Variants in ARL5B observed in about 807,000 individuals in gnomAD.
The protein encoded by ARL5B is ADP-ribosylation factor-like protein 5B.
ARL5B carries 10 observed loss-of-function variants against 26.9 expected under a neutral mutation model. That is an observed-to-expected ratio of 0.37 (90% CI 0.23 to 0.63). The LOEUF (loss-of-function observed/expected upper bound fraction) is 0.63. ARL5B is among the 30% of genes least tolerant of loss of function. The pLI, the probability that ARL5B is intolerant of heterozygous loss-of-function variation, is 0.62. For synonymous variants in ARL5B, 87 were observed against 70.4 expected (o/e 1.24, Z -1.18); for missense variants, 167 against 213.9 (o/e 0.78, Z 1.37).
chr10:18,663,342 TAC>T (rs2059845451), intron 1 of ARL5B, among the ~76,000 whole-genome samples: 1 of 152,132 alleles, frequency 6.6e-6, no homozygotes, highest in African/African-American at 2.4e-5. Context: ...ACAAATGAAA[TAC>T]AGTTTTAATT....
At chr10:18,672,104 G>A (rs1454214290) in intron 3 of ARL5B, among the ~76,000 whole-genome samples, 1 of 152,082 alleles carries the variant, frequency 6.6e-6, no homozygotes, top group Non-Finnish European at 1.5e-5. Flanking sequence ...TCAATCTGGA[G>A]CATTTATGGT....
chr10:18,660,221 CTT>C (rs199993366), intron 1 of ARL5B, among the ~76,000 whole-genome samples: 2 of 150,024 alleles, frequency 1.3e-5, no homozygotes, highest in Non-Finnish European at 3.0e-5. Context: ...TCATTGTAAA[CTT>C]TTTTTTTTAA....
At chr10:18,668,824 C>T in intron 3 of ARL5B, 147 bp downstream of exon 3, 1 of 367,888 alleles carries the variant, frequency 2.7e-6, no homozygotes, top group Non-Finnish European at 3.8e-6. Flanking sequence ...GGCTAGAGTG[C>T]AGTGGAGTGA....
At chr10:18,673,936 T>G in intron 4 of ARL5B, 48 bp from the exon 5 acceptor site, 1 of 1,527,554 alleles carries the variant, frequency 6.5e-7, no homozygotes, top group Non-Finnish European at 8.8e-7. Flanking sequence ...CTGGGTAAAT[T>G]TAAATTGTGG....
chr10:18,667,908 C>T (rs1477826506), intron 2 of ARL5B, among the ~76,000 whole-genome samples: 1 of 152,024 alleles, frequency 6.6e-6, no homozygotes, highest in Non-Finnish European at 1.5e-5. Context: ...AGAGACGAGG[C>T]TTCACCATGT....
chr10:18,669,030 A>G (rs537683258), intron 3 of ARL5B, among the ~76,000 whole-genome samples: 102 of 152,284 alleles, frequency 6.7e-4, no homozygotes, highest in Non-Finnish European at 1.1e-3. Context: ...TGGCCTCCCA[A>G]AGTGCTGGGA....
At position 18,675,694 on chromosome 10, in the gene ARL5B, G is replaced by C. The variant is rs552685326; in HGVS notation, c.*478G>C. ...TCCCTCTATAAACCATTCATCTTTC[G>C]GACAGAACTTACTGTAAAGAAAGAA... On this transcript the variant is annotated 3_prime_UTR_variant, in exon 6 of 6. Coordinates refer to ENST00000377275, the MANE Select transcript of ARL5B (RefSeq NM_178815.5). 6.5e-6 allele frequency: 1 copy of C among 154,790 alleles called. No homozygotes were observed. The highest frequency in any genetic ancestry group is 1.4e-5 in the Non-Finnish European group (1 of 69,638). 9.6% of individuals were successfully genotyped at this position (154,790 alleles called of 1,614,324 possible). A position where few individuals can be genotyped will look rare whatever the true frequency, so the allele number is the denominator to read the frequency against.
Position 18,677,180 on chromosome 10 carries a change from A to G in ARL5B, c.*1964A>G, listed in dbSNP as rs1379350502. 1 of 151,502 alleles carries G rather than the reference A, an allele frequency of 6.6e-6. No individual in the cohort carries two copies. The highest frequency in any genetic ancestry group is 2.4e-5 in the African/African-American group (1 of 41,152). The allele number at this position is 151,502 out of a possible 1,614,324, so 9.4% of individuals were successfully genotyped here. A position where few individuals can be genotyped will look rare whatever the true frequency, so the allele number is the denominator to read the frequency against. Reference sequence around the variant, plus strand: ...GAAAAAGCATACTTAGTACTCCTGTATTTGTTCTTATGAAATGACTATCTG... The same window carrying G: ...GAAAAAGCATACTTAGTACTCCTGTGTTTGTTCTTATGAAATGACTATCTG... On this transcript the variant is annotated 3_prime_UTR_variant, in exon 6 of 6. Coordinates refer to ENST00000377275, the MANE Select transcript of ARL5B (RefSeq NM_178815.5).
In ARL5B at chr10:18,677,948, C is replaced by G. The variant is rs2059917256; in HGVS notation, c.*2732C>G. On this transcript the variant is annotated 3_prime_UTR_variant, in exon 6 of 6. Transcript: ENST00000377275. The stretch of plus-strand genomic sequence containing the variant: ...AAGGAAATTAAATTTTAACAGAAAT[C>G]TTTTAAGTATGTTATAACCAAAGTG... The G allele has an allele frequency of 1.3e-5, 2 of 151,796 alleles. No individual in the cohort carries two copies. Among genetic ancestry groups the G allele is most frequent in the South Asian group, 4.1e-4 (2 of 4,822 alleles). 9.4% of individuals were successfully genotyped at this position (151,796 alleles called of 1,614,324 possible).
intron 1 of ARL5B, among the ~76,000 whole-genome samples, chr10:18,662,949 C>T (rs556064698): frequency 2.6e-5 from 4 of 151,896 alleles, no homozygotes; most frequent in African/African-American, 4.8e-5. Flanking sequence ...GTAATCCGCC[C>T]GCCTTGGCCT....
rs545401575 is a variant in ARL5B, at chr10:18,664,461, G to T, written c.47-2114G>T. ...TTTTTTTTTTTTTTTTTTTTGAGATGGAGTCTCGCTCTGTTGCCCAGGCTG... is the reference window on the plus strand; with the variant it reads ...TTTTTTTTTTTTTTTTTTTTGAGATTGAGTCTCGCTCTGTTGCCCAGGCTG... On this transcript the variant is annotated intron_variant, in intron 1 of 5. Transcript: ENST00000377275. 1.6e-4 allele frequency among the ~76,000 whole-genome samples: 16 copies of T among 100,762 alleles called. 1 individual carries two copies. The East Asian group carries it at 6.0e-3, about 37-fold the overall frequency. 66.1% of individuals were successfully genotyped at this position (100,762 alleles called of 152,430 possible).
rs1430681869 is a variant in ARL5B at position 18,659,648 on chromosome 10, T to C, written c.11T>C (p.Ile4Thr). MGL[I>T]FAKLWSLFCN... is the part of the protein sequence containing the mutation. The stretch of plus-strand genomic sequence containing the variant: ...GCCCCGGTGCTCGTGATGGGGCTGA[T>C]CTTCGCCAAACTGTGGAGCCTCTTC... Residue 4 changes from isoleucine (I) to threonine (T), a missense_variant, in exon 1 of 6, where the codon ATC (isoleucine) becomes ACC (threonine). Physicochemically the swap from Ile to Thr is moderately conservative, Grantham distance 89. Transcript: ENST00000377275. 1 of 1,613,070 alleles carries C rather than the reference T, an allele frequency of 6.2e-7. No individual in the cohort carries two copies.
chr10:18,661,303 A>C (rs2059835374), intron 1 of ARL5B, among the ~76,000 whole-genome samples: 1 of 152,218 alleles, frequency 6.6e-6, no homozygotes, highest in African/African-American at 2.4e-5. Flanking sequence ...CTTTTCTGTT[A>C]CATGGCTGCT....
chr10:18,677,034 G>A lies in ARL5B; in HGVS notation c.*1818G>A, dbSNP rs182995710. Reference sequence around the variant, plus strand: ...TAAATCGATATGGATGGTTTGTGGTGTGTGTGGGATGTGGGGGAATTAAGA... The same window carrying A: ...TAAATCGATATGGATGGTTTGTGGTATGTGTGGGATGTGGGGGAATTAAGA... On this transcript the variant is annotated 3_prime_UTR_variant, in exon 6 of 6. Transcript: ENST00000377275. 2.6e-5 allele frequency: 4 copies of A among 152,362 alleles called. No individual in the cohort carries two copies. In the East Asian group the frequency reaches 7.8e-4, roughly 30 times the overall value. 9.4% of individuals were successfully genotyped at this position (152,362 alleles called of 1,614,324 possible).
At chr10:18,661,160 T>A (rs971273218) in intron 1 of ARL5B, among the ~76,000 whole-genome samples, 2 of 152,234 alleles carry the variant, frequency 1.3e-5, no homozygotes, top group African/African-American at 4.8e-5. Flanking sequence ...TAAAACAGCA[T>A]TTTAAGACAT....
At chr10:18,668,748 A>G in intron 3 of ARL5B, 71 bp downstream of exon 3, 4 of 1,443,550 alleles carry the variant, frequency 2.8e-6, no homozygotes, top group Non-Finnish European at 3.7e-6. Flanking sequence ...ATTAGGCTGC[A>G]CCTGGGCGTA....
intron 1 of ARL5B, among the ~76,000 whole-genome samples, chr10:18,663,219 G>A (rs2059844806): frequency 6.6e-6 from 1 of 151,942 alleles, no homozygotes; most frequent in Non-Finnish European, 1.5e-5. Context: ...TGTTGGCTAG[G>A]CTGGCCTCGA....
chr10:18,670,173 A>G (rs929393615), intron 3 of ARL5B, among the ~76,000 whole-genome samples: 3 of 152,168 alleles, frequency 2.0e-5, no homozygotes, highest in South Asian at 2.1e-4. Flanking sequence ...GTAAACAAAG[A>G]TGGCGTATCA....
intron 3 of ARL5B, among the ~76,000 whole-genome samples, chr10:18,672,072 A>G (rs1314619011): frequency 6.6e-6 from 1 of 152,178 alleles, no homozygotes; most frequent in Non-Finnish European, 1.5e-5. Context: ...TCTCCAGTAT[A>G]TAATGCCTAA....
Sources: gnomAD v4.1 joint callset for allele counts (sites outside exome capture counted in the v4.1 genomes callset) on GRCh38, gnomAD v4.1.1 for gene constraint, MANE v1.5 for transcripts, NCBI Gene and HGNC (gene_info 2026-07-23, HGNC 2026-07-21) for gene names.